Variants in CSMD1 observed in about 807,000 individuals in gnomAD.
The protein encoded by CSMD1 is CUB and Sushi multiple domains 1.
Under a neutral mutation model 417.5 loss-of-function variants are expected in CSMD1, and 213 were observed. The observed-to-expected ratio is 0.51, with a 90% CI of 0.46 to 0.57. The LOEUF (loss-of-function observed/expected upper bound fraction) is 0.57, where lower values mean the gene tolerates loss of function less well. CSMD1 is among the 20% of genes least tolerant of loss of function. The pLI is 0.00. For synonymous variants in CSMD1, 2,862 were observed against 1,736.8 expected (o/e 1.65, Z -16.11); for missense variants, 6,923 against 4,529.7 (o/e 1.53, Z -15.17).
intron 2 of CSMD1, among the ~76,000 whole-genome samples, chr8:4,595,702 G>A (rs58329527): frequency 4.5e-3 from 689 of 152,222 alleles, no homozygotes; most frequent in African/African-American, 0.016. Flanking sequence ...AGGAGTTGGA[G>A]GCCAGCCTAG....
At chr8:4,547,201 G>A (rs994130262) in intron 2 of CSMD1, among the ~76,000 whole-genome samples, 6 of 152,008 alleles carry the variant, frequency 3.9e-5, no homozygotes, top group African/African-American at 7.3e-5. Flanking sequence ...CTAGGCCCCC[G>A]TTATCCAGCA....
intron 3 of CSMD1, among the ~76,000 whole-genome samples, chr8:4,180,966 G>T (rs905144613): frequency 3.3e-5 from 5 of 152,152 alleles, no homozygotes; most frequent in Non-Finnish European, 7.3e-5. Flanking sequence ...GGATGATGCT[G>T]TGATAATGGC....
chr8:4,957,321 G>A (rs1165213126), intron 1 of CSMD1, among the ~76,000 whole-genome samples: 3 of 152,114 alleles, frequency 2.0e-5, no homozygotes, highest in Admixed American at 2.0e-4. Flanking sequence ...TTTTAAACAA[G>A]GAAAGATGCG....
chr8:4,407,485 A>C (rs895380641), intron 3 of CSMD1, among the ~76,000 whole-genome samples: 1 of 152,232 alleles, frequency 6.6e-6, no homozygotes, highest in Non-Finnish European at 1.5e-5. Flanking sequence ...TGTATATAAT[A>C]AATTTCATTG....
intron 3 of CSMD1, among the ~76,000 whole-genome samples, chr8:4,042,750 G>A (rs1373593043): frequency 6.9e-6 from 1 of 145,864 alleles, no homozygotes; most frequent in Non-Finnish European, 1.5e-5. Flanking sequence ...CAGAGGCTGG[G>A]TAAGAAGAAA....
At chr8:3,805,480 T>C (rs1035165137) in intron 5 of CSMD1, among the ~76,000 whole-genome samples, 9 of 152,168 alleles carry the variant, frequency 5.9e-5, no homozygotes, top group African/African-American at 2.2e-4. Context: ...TGACCTCCAC[T>C]CTGATTCCTG....
At chr8:3,381,251 T>C (rs1041374716) in intron 18 of CSMD1, among the ~76,000 whole-genome samples, 5 of 151,538 alleles carry the variant, frequency 3.3e-5, no homozygotes, top group Non-Finnish European at 4.4e-5. Flanking sequence ...CGGTACCTGT[T>C]CAACAGATCT....
chr8:3,362,621 G>T lies in CSMD1; in HGVS notation c.3116-3281C>A, dbSNP rs145648051. Among the ~76,000 whole-genome samples the T allele has an allele frequency of 5.8e-4, 89 of 152,224 alleles. 1 individual carries two copies. The highest frequency in any genetic ancestry group is 1.9e-3 in the African/African-American group (77 of 41,530). On this transcript the variant is annotated intron_variant, in intron 20 of 69. Transcript: ENST00000635120. ...TTTCTTTAATATGATCCTGTTATAT[G>T]AACTGAAGACTCTTGTCAATCACTC...
intron 5 of CSMD1, among the ~76,000 whole-genome samples, chr8:3,760,144 T>G (rs1797912564): frequency 6.6e-6 from 1 of 152,092 alleles, no homozygotes; most frequent in Non-Finnish European, 1.5e-5. Flanking sequence ...AAGGGTCTTC[T>G]TAAGGGAATT....
chr8:4,051,150 G>C (rs183642207), intron 3 of CSMD1, among the ~76,000 whole-genome samples: 41 of 152,186 alleles, frequency 2.7e-4, no homozygotes, highest in African/African-American at 9.6e-4. Context: ...AAAAGACCAG[G>C]AGTAGAAAGC....
intron 2 of CSMD1, among the ~76,000 whole-genome samples, chr8:4,459,028 C>T (rs1799652429): frequency 6.6e-6 from 1 of 152,168 alleles, no homozygotes; most frequent in Admixed American, 6.5e-5. Context: ...TGCTTTCTTC[C>T]CCTTATCTCC....
chr8:3,984,885 C>A (rs1337300008), intron 5 of CSMD1, among the ~76,000 whole-genome samples: 2 of 151,446 alleles, frequency 1.3e-5, no homozygotes, highest in Non-Finnish European at 2.9e-5. Flanking sequence ...GAATCTATGT[C>A]CATAAAACGA....
chr8:4,237,076 T>C (rs905507948), intron 3 of CSMD1, among the ~76,000 whole-genome samples: 2 of 152,218 alleles, frequency 1.3e-5, no homozygotes, highest in Non-Finnish European at 2.9e-5. Context: ...TGATTACGCC[T>C]ACAATTTTAT....
At chr8:3,264,663 A>G (rs969224772) in intron 26 of CSMD1, among the ~76,000 whole-genome samples, 1 of 152,196 alleles carries the variant, frequency 6.6e-6, no homozygotes, top group Non-Finnish European at 1.5e-5. Context: ...GTACTCATCA[A>G]AACTGTGGGG....
chr8:3,951,232 C>T (rs915670443), intron 5 of CSMD1, among the ~76,000 whole-genome samples: 9 of 152,144 alleles, frequency 5.9e-5, no homozygotes, highest in African/African-American at 2.2e-4. Flanking sequence ...CACAGGCGGG[C>T]ACGGGTCTGA....
chr8:3,395,700 G>C (rs1414049829), intron 17 of CSMD1, among the ~76,000 whole-genome samples: 2 of 152,152 alleles, frequency 1.3e-5, no homozygotes, highest in Admixed American at 1.3e-4. Flanking sequence ...GTAAGGTTTA[G>C]CAGGTTTTAA....
rs139005227 is a variant in CSMD1 at position 3,827,734 on chromosome 8, A to T, written c.819-73692T>A. Among the ~76,000 whole-genome samples, 194 of 152,326 alleles carry T rather than the reference A, an allele frequency of 1.3e-3. 1 individual carries two copies. The highest frequency in any genetic ancestry group is 4.4e-3 in the African/African-American group (183 of 41,586). ...GGATTTATTCCATCCACCTCATTGT[A>T]CTTCTTCACTATACGATAATGAATA... On this transcript the variant is annotated intron_variant, in intron 5 of 69. Transcript: ENST00000635120.
At chr8:4,693,778 G>GTCATTCT (rs1378841587) in intron 1 of CSMD1, among the ~76,000 whole-genome samples, 1 of 152,260 alleles carries the variant, frequency 6.6e-6, no homozygotes, top group Non-Finnish European at 1.5e-5. Context: ...CTAGGCTCAA[G>GTCATTCT]CCATTCTCCT....
chr8:4,877,893 CATT>C (rs1446853064), intron 1 of CSMD1, among the ~76,000 whole-genome samples: 2 of 152,036 alleles, frequency 1.3e-5, no homozygotes, highest in South Asian at 4.1e-4. Context: ...CAAGGAACAT[CATT>C]GAGAAGGAAA....
Sources: allele counts gnomAD v4.1 joint callset (sites outside exome capture counted in the v4.1 genomes callset), GRCh38; gene constraint gnomAD v4.1.1; transcripts MANE v1.5; gene names NCBI Gene and HGNC (gene_info 2026-07-23, HGNC 2026-07-21).